The following AGPAT2 variants were observed in gnomAD, a reference collection of about 807,000 sequenced individuals.
The protein encoded by AGPAT2 is 1-acylglycerol-3-phosphate O-acyltransferase 2.
Under a neutral mutation model 26.1 loss-of-function variants are expected in AGPAT2, and 18 were observed. The observed-to-expected ratio is 0.69, with a 90% CI of 0.48 to 1.02. The LOEUF is 1.02. AGPAT2 is among the 50% of genes least tolerant of loss of function. The pLI is 0.00. For synonymous variants in AGPAT2, 200 were observed against 174.2 expected (o/e 1.15, Z -1.16); for missense variants, 415 against 394.9 (o/e 1.05, Z -0.43).
chr9:136,673,920 G>A lies in AGPAT2; in HGVS notation c.669C>T (p.Val223=), dbSNP rs914738037. The change falls in exon 6 of 6, where the codon GTC becomes GTT. Residue 223 remains valine, a synonymous_variant. Transcript: ENST00000371696. ...TKKKFFTSGT[V]TVQVLEAIPT... The stretch of plus-strand genomic sequence containing the variant: ...GGATGGCTTCCAGCACCTGCACTGT[G>A]ACTGTTCCTGTGGGGGAAGCAACAG... The A allele has an allele frequency of 2.5e-6, 4 of 1,571,496 alleles. No homozygotes were observed. The highest frequency in any genetic ancestry group is 1.2e-5 in the South Asian group (1 of 85,104).
At chr9:136,685,985 G>A (rs2131022165) in intron 1 of AGPAT2, among the ~76,000 whole-genome samples, 1 of 152,308 alleles carries the variant, frequency 6.6e-6, no homozygotes, top group South Asian at 2.1e-4. Context: ...CGCTCCCCGG[G>A]ACCCCGGCCT....
intron 1 of AGPAT2, among the ~76,000 whole-genome samples, chr9:136,686,648 A>AGGGG (rs1397456988): frequency 7.6e-4 from 115 of 152,300 alleles, no homozygotes; most frequent in African/African-American, 2.7e-3. Flanking sequence ...GCGAAGAGGA[A>AGGGG]AGGGAGAGAA....
At chr9:136,681,302 G>A (rs1846157785) in intron 1 of AGPAT2, among the ~76,000 whole-genome samples, 1 of 152,158 alleles carries the variant, frequency 6.6e-6, no homozygotes, top group African/African-American at 2.4e-5. Flanking sequence ...CCAGCGGGAG[G>A]CTGTGGCTCT....
rs1846156534 is a variant in AGPAT2, at chr9:136,681,234, C to T, written c.183-3678G>A. 2.6e-5 allele frequency among the ~76,000 whole-genome samples: 4 copies of T among 152,204 alleles called. No individual in the cohort carries two copies. In the South Asian group the frequency reaches 8.3e-4, roughly 31 times the overall value. On this transcript the variant is annotated intron_variant, in intron 1 of 5. Coordinates refer to ENST00000371696, the MANE Select transcript of AGPAT2 (RefSeq NM_006412.4). The stretch of plus-strand genomic sequence containing the variant: ...CTGAGCAGGCGCTGTGTCCCGCCGC[C>T]CACCACCGGCCCCTGGTCCTCAGGC...
intron 4 of AGPAT2, among the ~76,000 whole-genome samples, chr9:136,675,403 G>A (rs34066748): frequency 4.7e-4 from 38 of 81,158 alleles, no homozygotes; most frequent in African/African-American, 1.4e-3. Context: ...GGGAGGGAGG[G>A]GGCCAGCAGG....
In AGPAT2 at chr9:136,687,078, G is replaced by T. The variant is rs960810063; in HGVS notation, c.182+98C>A. 28 of 1,367,560 alleles carry T rather than the reference G, an allele frequency of 2.0e-5. No homozygotes were observed. In the African/African-American group the frequency reaches 3.2e-4, roughly 15 times the overall value. The allele number at this position is 1,367,560 out of a possible 1,614,324, so 84.7% of individuals were successfully genotyped here. A position where few individuals can be genotyped will look rare whatever the true frequency, so the allele number is the denominator to read the frequency against. On this transcript the variant is annotated intron_variant, in intron 1 of 5. Coordinates refer to ENST00000371696, the MANE Select transcript of AGPAT2 (RefSeq NM_006412.4). The stretch of plus-strand genomic sequence containing the variant: ...TCCCCGGAGCCCCGGAGCGGGGCGG[G>T]ACGGGCGGGGCAGGAAGGAGGGAAG...
chr9:136,677,385 A>G (rs1313154317), intron 2 of AGPAT2, 38 bp downstream of exon 2: 8 of 1,611,754 alleles, frequency 5.0e-6, no homozygotes, highest in South Asian at 4.4e-5. Flanking sequence ...AGCCGGCCCC[A>G]CTCAAACCCC....
intron 5 of AGPAT2, among the ~76,000 whole-genome samples, chr9:136,674,389 G>C (rs12551973): frequency 0.095 from 14,423 of 152,354 alleles, 901 homozygotes; most frequent in Middle Eastern, 0.18. Context: ...CCCCTGGGCT[G>C]CCTGGGTTCC....
chr9:136,680,813 T>C (rs1046335591), intron 1 of AGPAT2, among the ~76,000 whole-genome samples: 37 of 151,674 alleles, frequency 2.4e-4, no homozygotes, highest in African/African-American at 8.0e-4. Flanking sequence ...ACTACTGGTG[T>C]GCGCCACCAC....
chr9:136,677,269 G>A (rs935682561), intron 2 of AGPAT2, 133 bp from the exon 3 acceptor site: 11 of 1,494,168 alleles, frequency 7.4e-6, no homozygotes, highest in South Asian at 3.6e-5. Context: ...TGTGGCCTCC[G>A]AGCCTCTGTG....
chr9:136,683,688 G>A (rs1419951108), intron 1 of AGPAT2, among the ~76,000 whole-genome samples: 4 of 152,268 alleles, frequency 2.6e-5, no homozygotes, highest in East Asian at 1.9e-4. Flanking sequence ...TGTGGCGGGC[G>A]GGAAGGAGGT....
intron 3 of AGPAT2, 133 bp downstream of exon 3, chr9:136,676,828 G>T: frequency 7.8e-7 from 1 of 1,277,730 alleles, no homozygotes; most frequent in Non-Finnish European, 1.1e-6. Flanking sequence ...GGTCTGGCGT[G>T]GGACCCCACC....
chr9:136,681,185 C>G (rs1262250478), intron 1 of AGPAT2, among the ~76,000 whole-genome samples: 2 of 150,542 alleles, frequency 1.3e-5, no homozygotes, highest in Non-Finnish European at 2.9e-5. Flanking sequence ...ACACGGGGTA[C>G]AAACCCCCGC....
rs779176871 is a variant in AGPAT2 at position 136,673,739 on chromosome 9, GC to G, written c.*12del. On this transcript the variant is annotated 3_prime_UTR_variant, in exon 6 of 6. Coordinates refer to ENST00000371696, the MANE Select transcript of AGPAT2 (RefSeq NM_006412.4). ...ACCTGCCCTCCCCAGGTCATGCCCTGCCGTGGTCTGGGCTACTGGGCCGGCT... is the reference window on the plus strand; with the variant it reads ...ACCTGCCCTCCCCAGGTCATGCCCTGCGTGGTCTGGGCTACTGGGCCGGCT... 1.7e-5 allele frequency: 26 copies of G among 1,567,094 alleles called. No homozygotes were observed. In the African/African-American group the frequency reaches 3.2e-4, roughly 19 times the overall value.
intron 1 of AGPAT2, among the ~76,000 whole-genome samples, chr9:136,679,918 C>T (rs73668355): frequency 0.011 from 1,722 of 152,326 alleles, 39 homozygotes; most frequent in African/African-American, 0.038. Flanking sequence ...TCCAGGAATT[C>T]GCCCGACGGC....
rs745429291 is a variant in AGPAT2 at position 136,687,306 on chromosome 9, C to CCAG, written c.49_51dup (p.Leu17dup). The CCAG allele has an allele frequency of 0.088, 138,234 of 1,575,438 alleles. 5,825 individuals are homozygous for CCAG. The highest frequency in any genetic ancestry group is 0.099 in the Middle Eastern group (589 of 5,938). ...AACTCGGCCGCGCGGCTCAGCTGCACCAGCAGCAGCAGCAACAGCAGCGCC... is the reference window on the plus strand; with the variant it reads ...AACTCGGCCGCGCGGCTCAGCTGCACCAGCAGCAGCAGCAGCAACAGCAGCGCC... On this transcript the variant is annotated inframe_insertion, in exon 1 of 6. Coordinates refer to ENST00000371696, the MANE Select transcript of AGPAT2 (RefSeq NM_006412.4).
rs758336307 is a variant in AGPAT2, at chr9:136,687,306, C to G, written c.52G>C (p.Val18Leu). ...AACTCGGCCGCGCGGCTCAGCTGCACCAGCAGCAGCAGCAACAGCAGCGCC... is the reference window on the plus strand; with the variant it reads ...AACTCGGCCGCGCGGCTCAGCTGCAGCAGCAGCAGCAGCAACAGCAGCGCC... ...AAALLLLLLL[V>L]QLSRAAEFYA... is the part of the protein sequence containing the mutation. Residue 18 changes from valine to leucine, a missense_variant, in exon 1 of 6, where the codon GTG (valine) becomes CTG (leucine). Physicochemically the swap from Val to Leu is conservative, Grantham distance 32. Coordinates refer to ENST00000371696, the MANE Select transcript of AGPAT2 (RefSeq NM_006412.4). 3 of 1,575,590 alleles carry G rather than the reference C, an allele frequency of 1.9e-6. No individual in the cohort carries two copies. The highest frequency in any genetic ancestry group is 1.1e-5 in the South Asian group (1 of 87,606).
chr9:136,676,534 AC>A (rs1211382125), intron 4 of AGPAT2, 50 bp downstream of exon 4: 1 of 1,494,640 alleles, frequency 6.7e-7, no homozygotes, highest in African/African-American at 1.4e-5. Context: ...AGCCAGCCTG[AC>A]CCCGCCTCCC....
intron 5 of AGPAT2, among the ~76,000 whole-genome samples, chr9:136,674,519 C>T (rs1421759835): frequency 6.6e-6 from 1 of 152,242 alleles, no homozygotes; most frequent in East Asian, 1.9e-4. Flanking sequence ...TCAGTTTTCT[C>T]ATCTGAAAAA....
Sources: gnomAD v4.1 joint callset for allele counts (sites outside exome capture counted in the v4.1 genomes callset) on GRCh38, gnomAD v4.1.1 for gene constraint, MANE v1.5 for transcripts, NCBI Gene and HGNC (gene_info 2026-07-23, HGNC 2026-07-21) for gene names.